RALYL: variants seen among roughly 807,000 people sequenced by gnomAD.
The protein encoded by RALYL is RNA-binding Raly-like protein.
A neutral mutation model predicts 35.1 loss-of-function variants in RALYL; 29 were observed. The ratio of observed to expected loss-of-function variants is 0.83; its 90% CI spans 0.61 to 1.13. The LOEUF (loss-of-function observed/expected upper bound fraction) is 1.13. Among genes scored for constraint, RALYL ranks in the 50% most tolerant of loss-of-function variants. RALYL has a pLI of 0.00. For synonymous variants in RALYL, 120 were observed against 127.6 expected (o/e 0.94, Z 0.40); for missense variants, 359 against 360.4 (o/e 1.00, Z 0.03).
chr8:84,790,655 T>G (rs1820555992), intron 3 of RALYL, among the ~76,000 whole-genome samples: 1 of 152,204 alleles, frequency 6.6e-6, no homozygotes, highest in Non-Finnish European at 1.5e-5. Flanking sequence ...TGTAAAAGAA[T>G]TTAATTGAGC....
chr8:84,814,914 GA>G (rs1826829794), intron 4 of RALYL, among the ~76,000 whole-genome samples: 1 of 152,204 alleles, frequency 6.6e-6, no homozygotes, highest in African/African-American at 2.4e-5. Context: ...TGCACAGGTA[GA>G]TCAACAGATG....
intron 2 of RALYL, among the ~76,000 whole-genome samples, chr8:84,572,558 T>G (rs111727259): frequency 0.016 from 2,370 of 151,906 alleles, 30 homozygotes; most frequent in Middle Eastern, 0.037. Context: ...TTGGCAAAAT[T>G]AGGCAAATCA....
chr8:84,515,760 A>G (rs1373046690), intron 1 of RALYL, among the ~76,000 whole-genome samples: 1 of 152,162 alleles, frequency 6.6e-6, no homozygotes, highest in Non-Finnish European at 1.5e-5. Context: ...TTGACACAAC[A>G]GGGAAAAGAA....
intron 1 of RALYL, among the ~76,000 whole-genome samples, chr8:84,272,574 T>A (rs1289323228): frequency 6.6e-6 from 1 of 152,202 alleles, no homozygotes; most frequent in Non-Finnish European, 1.5e-5. Flanking sequence ...ATGACAAATA[T>A]CATTGTCACA....
At chr8:84,859,741 T>C (rs1366821967) in intron 5 of RALYL, among the ~76,000 whole-genome samples, 4 of 152,022 alleles carry the variant, frequency 2.6e-5, no homozygotes, top group African/African-American at 9.7e-5. Context: ...TCCCAGCTAC[T>C]TGGGAGGCTG....
intron 4 of RALYL, among the ~76,000 whole-genome samples, chr8:84,817,212 C>G (rs1448774744): frequency 1.3e-5 from 2 of 152,072 alleles, no homozygotes; most frequent in East Asian, 3.9e-4. Context: ...TATTTTCTCC[C>G]TTTTCTTTCC....
intron 4 of RALYL, among the ~76,000 whole-genome samples, chr8:84,849,330 AT>A (rs1255742168): frequency 1.3e-5 from 2 of 152,132 alleles, no homozygotes; most frequent in Admixed American, 6.5e-5. Context: ...AAAATCCTGA[AT>A]TTCCAAGGAA....
At chr8:84,409,138 A>C (rs1341269572) in intron 1 of RALYL, among the ~76,000 whole-genome samples, 6 of 152,120 alleles carry the variant, frequency 3.9e-5, no homozygotes, top group Admixed American at 3.9e-4. Flanking sequence ...GATCCTGCAT[A>C]ATCTTGCATA....
chr8:84,805,407 G>A (rs949993644), intron 4 of RALYL, among the ~76,000 whole-genome samples: 3 of 152,042 alleles, frequency 2.0e-5, no homozygotes, highest in Admixed American at 6.6e-5. Context: ...ATATATTGTT[G>A]GCCAGGCGCG....
At chr8:84,425,783 CTG>C (rs1554662152) in intron 1 of RALYL, among the ~76,000 whole-genome samples, 16,693 of 144,106 alleles carry the variant, frequency 0.12, 1,001 homozygotes, top group East Asian at 0.18. Flanking sequence ...AGTTTTTCTT[CTG>C]TGTGTGTGTG....
intron 1 of RALYL, among the ~76,000 whole-genome samples, chr8:84,521,789 T>A (rs952804805): frequency 1.3e-5 from 2 of 152,186 alleles, no homozygotes; most frequent in African/African-American, 4.8e-5. Context: ...CAATAAGAAA[T>A]TATTAACTTT....
At chr8:84,556,043 C>T (rs1183791638) in intron 2 of RALYL, among the ~76,000 whole-genome samples, 1 of 152,128 alleles carries the variant, frequency 6.6e-6, no homozygotes, top group African/African-American at 2.4e-5. Context: ...CACTCTCTCC[C>T]CAGATTAATT....
At chr8:84,802,251 T>G (rs1362938592) in intron 3 of RALYL, among the ~76,000 whole-genome samples, 5 of 152,230 alleles carry the variant, frequency 3.3e-5, no homozygotes, top group Admixed American at 1.3e-4. Flanking sequence ...ATATTATTAC[T>G]CTTCTTTTGA....
intron 1 of RALYL, among the ~76,000 whole-genome samples, chr8:84,383,168 C>T (rs1858385409): frequency 6.6e-6 from 1 of 151,782 alleles, no homozygotes; most frequent in South Asian, 2.1e-4. Context: ...AAATATATCG[C>T]TTCATGTCAG....
At chr8:84,578,002 T>G (rs368077734) in intron 2 of RALYL, among the ~76,000 whole-genome samples, 2 of 152,208 alleles carry the variant, frequency 1.3e-5, no homozygotes, top group South Asian at 2.1e-4. Flanking sequence ...GCCTGAGTTT[T>G]TGCTTCGGCC....
At chr8:84,758,753 C>T (rs544808782) in intron 2 of RALYL, among the ~76,000 whole-genome samples, 1 of 152,196 alleles carries the variant, frequency 6.6e-6, no homozygotes, top group Non-Finnish European at 1.5e-5. Context: ...TTTTCTGTCA[C>T]ATTCAATTCA....
chr8:84,293,809 G>A (rs911034328), intron 1 of RALYL, among the ~76,000 whole-genome samples: 10 of 152,194 alleles, frequency 6.6e-5, no homozygotes, highest in African/African-American at 2.4e-4. Context: ...TAGGATAAGT[G>A]TTGGGATTCA....
intron 4 of RALYL, among the ~76,000 whole-genome samples, chr8:84,822,114 T>C (rs1346176027): frequency 6.6e-6 from 1 of 152,192 alleles, no homozygotes; most frequent in Admixed American, 6.5e-5. Context: ...TTCTTCCAGA[T>C]ACTGGCTAAA....
intron 1 of RALYL, among the ~76,000 whole-genome samples, chr8:84,268,648 G>T (rs1379900694): frequency 6.6e-6 from 1 of 152,100 alleles, no homozygotes; most frequent in East Asian, 1.9e-4. Context: ...AATATTAATT[G>T]GAGGTACAAA....
Sources: allele counts gnomAD v4.1 joint callset (sites outside exome capture counted in the v4.1 genomes callset), GRCh38; gene constraint gnomAD v4.1.1; transcripts MANE v1.5; gene names NCBI Gene and HGNC (gene_info 2026-07-23, HGNC 2026-07-21).